The following NLRP5 variants were observed in gnomAD, a reference collection of about 807,000 sequenced individuals.
The protein encoded by NLRP5 is NLR family pyrin domain containing 5, also known as NACHT, LRR and PYD domains-containing protein 5.
A neutral mutation model predicts 113.1 loss-of-function variants in NLRP5; 93 were observed. That is an observed-to-expected ratio of 0.82 (90% CI 0.70 to 0.98). NLRP5 has a LOEUF of 0.98. Among genes scored for constraint, NLRP5 ranks in the 50% least tolerant of loss-of-function variants. The pLI is 0.00. For synonymous variants in NLRP5, 751 were observed against 600.7 expected (o/e 1.25, Z -3.66); for missense variants, 1,808 against 1,514.3 (o/e 1.19, Z -3.22).
chr19:56,020,124 G>A (rs1982561136), intron 5 of NLRP5, among the ~76,000 whole-genome samples: 2 of 151,808 alleles, frequency 1.3e-5, no homozygotes, highest in Admixed American at 6.6e-5. Flanking sequence ...GAGCCACCAC[G>A]CCCGACCTAC....
At chr19:56,009,949 C>A (rs533010887) in intron 3 of NLRP5, among the ~76,000 whole-genome samples, 67 of 152,300 alleles carry the variant, frequency 4.4e-4, no homozygotes, top group Non-Finnish European at 7.9e-4. Context: ...CTAGGCTTCA[C>A]CGGGTGAGTG....
At chr19:56,055,152 C>A (rs1314298893) in intron 13 of NLRP5, among the ~76,000 whole-genome samples, 2 of 151,910 alleles carry the variant, frequency 1.3e-5, no homozygotes, top group Non-Finnish European at 2.9e-5. Flanking sequence ...CCATGCCCGG[C>A]TACTTTTTTT....
intron 3 of NLRP5, among the ~76,000 whole-genome samples, chr19:56,013,596 G>GTTTTTTTTTTTTTGTTTTTT (rs1982288427): frequency 1.7e-5 from 1 of 59,284 alleles, no homozygotes; most frequent in Non-Finnish European, 2.9e-5. Context: ...GGACATTTGG[G>GTTTTTTTTTTTTTGTTTTTT]TTTTTTTTTT....
upstream of NLRP5, among the ~76,000 whole-genome samples, chr19:55,997,124 T>C (rs1448907296): frequency 6.6e-6 from 1 of 152,232 alleles, no homozygotes; most frequent in Non-Finnish European, 1.5e-5. Context: ...GTTGGCTATA[T>C]AAATATCTTC....
intron 4 of NLRP5, among the ~76,000 whole-genome samples, chr19:56,016,571 G>A (rs1191166917): frequency 6.6e-6 from 1 of 152,152 alleles, no homozygotes; most frequent in Non-Finnish European, 1.5e-5. Flanking sequence ...CTGTAAGTTT[G>A]TACCTGTTGA....
chr19:55,987,147 T>A, the NLRP5 span, among the ~76,000 whole-genome samples: 1 of 152,154 alleles, frequency 6.6e-6, no homozygotes, highest in Non-Finnish European at 1.5e-5. Flanking sequence ...GGCAGGTGGA[T>A]CATCTGAGGT....
intron 11 of NLRP5, among the ~76,000 whole-genome samples, chr19:56,047,617 A>T (rs1316702155): frequency 6.6e-6 from 1 of 152,096 alleles, no homozygotes; most frequent in East Asian, 1.9e-4. Context: ...AATTTTCTTA[A>T]ATTTATTGAA....
At chr19:56,002,465 T>TA (rs1293593925) in intron 1 of NLRP5, among the ~76,000 whole-genome samples, 3 of 151,692 alleles carry the variant, frequency 2.0e-5, no homozygotes, top group African/African-American at 7.3e-5. Context: ...TTTTTTTTTT[T>TA]AATTTTATTA....
chr19:56,016,396 A>C (rs1982404235), intron 4 of NLRP5, among the ~76,000 whole-genome samples: 1 of 151,996 alleles, frequency 6.6e-6, no homozygotes, highest in African/African-American at 2.4e-5. Flanking sequence ...CAGGTGATCC[A>C]CCCACCTCAG....
At chr19:56,044,702 T>A (rs962967772) in intron 11 of NLRP5, among the ~76,000 whole-genome samples, 7 of 152,154 alleles carry the variant, frequency 4.6e-5, no homozygotes, top group African/African-American at 1.4e-4. Context: ...GGCTCTTTTT[T>A]TGGTTCCATT....
chr19:56,008,485 TGAG>T (rs1409378937), intron 2 of NLRP5, among the ~76,000 whole-genome samples: 10 of 152,240 alleles, frequency 6.6e-5, no homozygotes, highest in African/African-American at 1.9e-4. Flanking sequence ...AGACAGGTCT[TGAG>T]GAGGACTCCT....
chr19:56,007,896 CGCGCGTGCGTGTGTGTGTGT>C (rs200699149), intron 2 of NLRP5, among the ~76,000 whole-genome samples: 9,275 of 97,868 alleles, frequency 0.095, 1,081 homozygotes, highest in East Asian at 0.23. Flanking sequence ...TGTGCGCGTG[CGCGCGTGCGTGTGTGTGTGT>C]GTGTGTGTGT....
intron 11 of NLRP5, among the ~76,000 whole-genome samples, chr19:56,045,981 A>G (rs1387095005): frequency 1.3e-5 from 2 of 152,174 alleles, no homozygotes; most frequent in Non-Finnish European, 2.9e-5. Context: ...CACAGAGGTC[A>G]CCATGGCTTG....
chr19:55,998,389 C>G (rs1981408761), upstream of NLRP5, among the ~76,000 whole-genome samples: 2 of 151,992 alleles, frequency 1.3e-5, no homozygotes, highest in Admixed American at 6.6e-5. Context: ...TGTGGTGGCT[C>G]ACGCCTGTAA....
chr19:56,055,957 T>C (rs543604487), intron 13 of NLRP5, among the ~76,000 whole-genome samples: 1 of 152,300 alleles, frequency 6.6e-6, no homozygotes, highest in South Asian at 2.1e-4. Flanking sequence ...CTCTGCTCTT[T>C]GGTAGCTGAG....
chr19:56,009,339 CAAAAAA>C lies in NLRP5; in HGVS notation c.508+501_508+506del, dbSNP rs71296979. ...TGGGCGACAGAACGAGACTCCATCT[CAAAAAA>C]AAAAAAAAAAAAAAGAGTTCTGTGG... On this transcript the variant is annotated intron_variant, in intron 3 of 14. Coordinates refer to ENST00000390649, the MANE Select transcript of NLRP5 (RefSeq NM_153447.4). 4.2e-3 allele frequency among the ~76,000 whole-genome samples: 187 copies of C among 44,322 alleles called. 5 individuals carry two copies. The highest frequency in any genetic ancestry group is 0.013 in the African/African-American group (149 of 11,532). The allele number at this position is 44,322 out of a possible 152,430, so 29.1% of individuals were successfully genotyped here.
chr19:56,006,462 T>G (rs1392699839), intron 2 of NLRP5, among the ~76,000 whole-genome samples: 8 of 151,928 alleles, frequency 5.3e-5, no homozygotes, highest in Non-Finnish European at 1.2e-4. Context: ...CAGGTGGGTG[T>G]GGCTAATGCC....
chr19:56,006,604 C>A (rs1300733966), intron 2 of NLRP5, among the ~76,000 whole-genome samples: 1 of 151,894 alleles, frequency 6.6e-6, no homozygotes, highest in Non-Finnish European at 1.5e-5. Flanking sequence ...TGGTGGCACA[C>A]ACCTGTAATC....
chr19:56,048,676 A>G (rs1427327906), intron 11 of NLRP5, among the ~76,000 whole-genome samples: 1 of 152,106 alleles, frequency 6.6e-6, no homozygotes, highest in Non-Finnish European at 1.5e-5. Flanking sequence ...ATTTTAGATA[A>G]GCTGATGACA....
Sources: allele counts gnomAD v4.1 joint callset (sites outside exome capture counted in the v4.1 genomes callset), GRCh38; gene constraint gnomAD v4.1.1; transcripts MANE v1.5; gene names NCBI Gene and HGNC (gene_info 2026-07-23, HGNC 2026-07-21).